BBX: variants seen among roughly 807,000 people sequenced by gnomAD.
BBX encodes the protein HMG box transcription factor BBX.
In BBX, 30 loss-of-function variants were observed where a neutral mutation model predicts 100.2. The ratio of observed to expected loss-of-function variants is 0.30; its 90% CI spans 0.22 to 0.41. The LOEUF is 0.41. Among genes scored for constraint, BBX ranks in the 10% least tolerant of loss-of-function variants. The pLI, the probability that BBX is intolerant of heterozygous loss-of-function variation, is 1.00. For synonymous variants in BBX, 376 were observed against 388.1 expected (o/e 0.97, Z 0.37); for missense variants, 1,023 against 1,129.8 (o/e 0.91, Z 1.35).
At chr3:107,624,104 C>T (rs568279906) in intron 2 of BBX, among the ~76,000 whole-genome samples, 1 of 152,288 alleles carries the variant, frequency 6.6e-6, no homozygotes, top group Admixed American at 6.5e-5. Context: ...TCAATCATGT[C>T]TCTGCTATCA....
intron 2 of BBX, among the ~76,000 whole-genome samples, chr3:107,600,745 TAA>T (rs576588220): frequency 3.6e-4 from 55 of 152,162 alleles, no homozygotes; most frequent in Non-Finnish European, 6.6e-4. Flanking sequence ...CCTAACAAGT[TAA>T]AAATATTAAA....
chr3:107,544,706 A>G (rs1346650637), intron 2 of BBX, among the ~76,000 whole-genome samples: 1 of 151,860 alleles, frequency 6.6e-6, no homozygotes, highest in East Asian at 1.9e-4. Flanking sequence ...CCCCATCTCT[A>G]TAAGAAATAA....
chr3:107,730,576 T>C (rs2063252557), intron 6 of BBX, among the ~76,000 whole-genome samples: 1 of 152,088 alleles, frequency 6.6e-6, no homozygotes, highest in African/African-American at 2.4e-5. Context: ...AAAGATATCT[T>C]TTTTGAAGCA....
chr3:107,655,921 CGATCTCCT>C, intron 3 of BBX, among the ~76,000 whole-genome samples: 1 of 152,090 alleles, frequency 6.6e-6, no homozygotes, highest in Admixed American at 6.5e-5. Context: ...AGGATGGTCT[CGATCTCCT>C]GACCTCGTGA....
intron 2 of BBX, among the ~76,000 whole-genome samples, chr3:107,566,314 C>CA (rs2050911291): frequency 6.6e-6 from 1 of 151,274 alleles, no homozygotes; most frequent in Non-Finnish European, 1.5e-5. Context: ...AGATTAAACT[C>CA]AACCTGATCT....
intron 2 of BBX, among the ~76,000 whole-genome samples, chr3:107,620,354 A>T (rs1437576383): frequency 1.3e-5 from 2 of 152,232 alleles, no homozygotes; most frequent in African/African-American, 2.4e-5. Flanking sequence ...TTTGTCAGAT[A>T]ATCTAACAAC....
chr3:107,805,577 C>G lies in BBX; in HGVS notation c.*120C>G. The G allele has an allele frequency of 2.6e-6, 4 of 1,549,986 alleles. No individual in the cohort carries two copies. The highest frequency in any genetic ancestry group is 3.5e-6 in the Non-Finnish European group (4 of 1,141,124). On this transcript the variant is annotated 3_prime_UTR_variant, in exon 18 of 18. Transcript: ENST00000325805. The stretch of plus-strand genomic sequence containing the variant: ...GACTGCAAACAAGTGCTTGTTGCCC[C>G]ACACGGCCCAGATTCACTTGAAGCA...
chr3:107,609,299 G>A (rs1232407348), intron 2 of BBX, among the ~76,000 whole-genome samples: 1 of 152,090 alleles, frequency 6.6e-6, no homozygotes, highest in African/African-American at 2.4e-5. Context: ...GTATTTTGTT[G>A]AGGAGTTTTG....
At chr3:107,722,328 A>G (rs2062601149) in intron 5 of BBX, among the ~76,000 whole-genome samples, 1 of 152,034 alleles carries the variant, frequency 6.6e-6, no homozygotes, top group Non-Finnish European at 1.5e-5. Flanking sequence ...TTAGATTGAC[A>G]GATCTTAGTA....
intron 5 of BBX, among the ~76,000 whole-genome samples, chr3:107,723,951 G>A (rs906461143): frequency 1.3e-5 from 2 of 152,142 alleles, no homozygotes; most frequent in Non-Finnish European, 2.9e-5. Flanking sequence ...GGGTCAAATG[G>A]TATTTCCAGT....
chr3:107,758,216 A>G (rs2065635525), intron 10 of BBX, among the ~76,000 whole-genome samples: 1 of 152,218 alleles, frequency 6.6e-6, no homozygotes, highest in African/African-American at 2.4e-5. Context: ...TACATGCAAA[A>G]GATTTCTTCT....
intron 2 of BBX, among the ~76,000 whole-genome samples, chr3:107,610,653 G>A (rs1467376621): frequency 6.6e-6 from 1 of 151,918 alleles, no homozygotes; most frequent in African/African-American, 2.4e-5. Flanking sequence ...TCTGATATAG[G>A]TATAGCCACT....
intron 2 of BBX, among the ~76,000 whole-genome samples, chr3:107,626,238 T>G (rs1228605332): frequency 9.2e-5 from 14 of 152,212 alleles, no homozygotes; most frequent in Non-Finnish European, 2.1e-4. Context: ...TTAAATGTTT[T>G]GGTGAAATGA....
At chr3:107,585,560 C>CT (rs887333672) in intron 2 of BBX, among the ~76,000 whole-genome samples, 21 of 152,142 alleles carry the variant, frequency 1.4e-4, no homozygotes, top group African/African-American at 4.8e-4. Context: ...AGAAGCTCCC[C>CT]TCCCCGCTGC....
intron 5 of BBX, 150 bp from the exon 6 acceptor site, chr3:107,728,615 A>C: frequency 3.0e-6 from 2 of 661,976 alleles, no homozygotes; most frequent in South Asian, 3.9e-5. Context: ...CCCTATGCTG[A>C]GATTGTCATT....
At chr3:107,523,166 T>A (rs887720712) in intron 1 of BBX, 59 bp downstream of exon 1, 1 of 176,486 alleles carries the variant, frequency 5.7e-6, no homozygotes, top group East Asian at 1.5e-4. Flanking sequence ...TCTGTTTTCC[T>A]ACTCACTTGC....
chr3:107,562,189 C>T (rs765865485), intron 2 of BBX, among the ~76,000 whole-genome samples: 3 of 152,086 alleles, frequency 2.0e-5, no homozygotes, highest in South Asian at 2.1e-4. Flanking sequence ...TATTTCAATG[C>T]GATTACATTC....
chr3:107,667,390 A>C (rs181611956), intron 3 of BBX, among the ~76,000 whole-genome samples: 1 of 152,214 alleles, frequency 6.6e-6, no homozygotes, highest in Admixed American at 6.5e-5. Context: ...TAAAACCTAC[A>C]ACACTCATTT....
intron 5 of BBX, among the ~76,000 whole-genome samples, chr3:107,717,272 T>C (rs977636714): frequency 6.6e-6 from 1 of 152,142 alleles, no homozygotes; most frequent in African/African-American, 2.4e-5. Flanking sequence ...CATGGTAAAG[T>C]TGACAATCTT....
Sources: gnomAD v4.1 joint callset for allele counts (sites outside exome capture counted in the v4.1 genomes callset) on GRCh38, gnomAD v4.1.1 for gene constraint, MANE v1.5 for transcripts, NCBI Gene and HGNC (gene_info 2026-07-23, HGNC 2026-07-21) for gene names.